The following SPRY3 variants were observed in gnomAD, a reference collection of about 807,000 sequenced individuals.
SPRY3 encodes sprouty RTK signaling antagonist 3, also known as protein sprouty homolog 3.
In SPRY3, 15 loss-of-function variants were observed where a neutral mutation model predicts 20.2. The ratio of observed to expected loss-of-function variants is 0.74; its 90% CI spans 0.50 to 1.14. SPRY3 has a LOEUF of 1.14. Among genes scored for constraint, SPRY3 ranks in the 50% most tolerant of loss-of-function variants. The pLI is 0.00. For missense variants in SPRY3, 364 were observed against 363.9 expected (o/e 1.00, Z 0.00); for synonymous variants, 143 against 136.5 (o/e 1.05, Z -0.33).
chrX:155,693,738 A>G (rs1371779270), intron 2 of SPRY3, among the ~76,000 whole-genome samples: 2 of 112,194 alleles, frequency 1.8e-5, no homozygotes, highest in Non-Finnish European at 3.8e-5. Context: ...TGCCATTTTG[A>G]GGCAGGATAT....
chrX:155,666,643 G>T, intron 2 of SPRY3, among the ~76,000 whole-genome samples: 1 of 111,519 alleles, frequency 9.0e-6, no homozygotes, highest in African/African-American at 3.3e-5. Flanking sequence ...TGCTAACAAT[G>T]GTAACAACGG....
intron 2 of SPRY3, among the ~76,000 whole-genome samples, chrX:155,716,746 T>C (rs1338650099): frequency 2.6e-5 from 4 of 151,852 alleles, no homozygotes; most frequent in Admixed American, 2.0e-4. Flanking sequence ...GCCCCTGTGA[T>C]TGCACAGCTC....
chrX:155,696,984 A>G (rs2068120947), intron 2 of SPRY3, among the ~76,000 whole-genome samples: 1 of 111,744 alleles, frequency 8.9e-6, no homozygotes, highest in Admixed American at 9.5e-5. Context: ...ACCAGGCACT[A>G]TTCTAAGTGC....
At chrX:155,728,015 C>A (rs1255270016) in intron 2 of SPRY3, among the ~76,000 whole-genome samples, 1 of 152,102 alleles carries the variant, frequency 6.6e-6, no homozygotes, top group Admixed American at 6.6e-5. Context: ...GATGTTATTT[C>A]TTTCTGTTTG....
intron 2 of SPRY3, among the ~76,000 whole-genome samples, chrX:155,766,530 A>G (rs1387049863): frequency 6.6e-6 from 1 of 152,196 alleles, no homozygotes; most frequent in Non-Finnish European, 1.5e-5. Context: ...AAGCATCCTA[A>G]GAATGCTGAT....
chrX:155,723,281 C>A (rs1347306212), intron 2 of SPRY3, among the ~76,000 whole-genome samples: 3 of 152,056 alleles, frequency 2.0e-5, no homozygotes, highest in African/African-American at 4.8e-5. Context: ...GATTTATAAT[C>A]CTTTAGGTAT....
At chrX:155,781,440 A>C (rs2091462645), downstream of SPRY3, 1 of 166,974 alleles carries the variant, frequency 6.0e-6, no homozygotes, top group Non-Finnish European at 1.5e-5. Context: ...GATTTGAGAA[A>C]ATTGAATCAC....
chrX:155,693,003 G>T (rs1010154323), intron 2 of SPRY3, among the ~76,000 whole-genome samples: 45 of 109,705 alleles, frequency 4.1e-4, no homozygotes, highest in African/African-American at 1.2e-3. Context: ...CTATTTCATT[G>T]TTTTTTCCTC....
chrX:155,713,624 C>T (rs1212466286), intron 2 of SPRY3, among the ~76,000 whole-genome samples: 1 of 152,066 alleles, frequency 6.6e-6, no homozygotes, highest in Non-Finnish European at 1.5e-5. Context: ...ATTTAGGCTC[C>T]TTTCTTTATC....
chrX:155,669,284 A>T (rs2068033248), intron 2 of SPRY3, among the ~76,000 whole-genome samples: 1 of 111,390 alleles, frequency 9.0e-6, no homozygotes, highest in Non-Finnish European at 1.9e-5. Context: ...GTTTTATATT[A>T]CTTAAGTGTA....
At chrX:155,737,767 G>A (rs1206963117) in intron 2 of SPRY3, among the ~76,000 whole-genome samples, 1 of 152,118 alleles carries the variant, frequency 6.6e-6, no homozygotes, top group African/African-American at 2.4e-5. Flanking sequence ...TTTGCTCATA[G>A]TAAGGAGTTT....
In SPRY3 at chrX:155,627,957, TTCATCCATG is replaced by T. The variant is rs1398160637; in HGVS notation, c.-441+15313_-441+15321del. ...TTTGCTGAAGATGATGACTTCCAGC[TTCATCCATG>T]TCCCTGCAAAGGACATGATCTCATT... On this transcript the variant is annotated intron_variant, in intron 1 of 3. Transcript: ENST00000675360. 9.0e-5 allele frequency among the ~76,000 whole-genome samples: 10 copies of T among 110,898 alleles called. No homozygotes were observed. The Admixed American group carries it at 9.6e-4, about 11-fold the overall frequency.
chrX:155,624,204 G>A (rs781808169), intron 1 of SPRY3, among the ~76,000 whole-genome samples: 1 of 111,884 alleles, frequency 8.9e-6, no homozygotes, highest in African/African-American at 3.2e-5. Flanking sequence ...GCCTGTTTAA[G>A]AGAGTTCCTC....
intron 2 of SPRY3, among the ~76,000 whole-genome samples, chrX:155,717,395 C>T (rs2091030439): frequency 6.6e-6 from 1 of 151,932 alleles, no homozygotes; most frequent in African/African-American, 2.4e-5. Context: ...TGTTTACTAC[C>T]TTTTTAAAAA....
In SPRY3 at chrX:155,632,219, C is replaced by CCACACA. The variant is rs55865452; in HGVS notation, c.-441+19594_-441+19599dup. On this transcript the variant is annotated intron_variant, in intron 1 of 3. Transcript: ENST00000675360. ...TCATCATATGTGATTTCCACAGCCA[C>CCACACA]CACACACACACACACACACACACAC... Among the ~76,000 whole-genome samples the CCACACA allele has an allele frequency of 2.5e-3, 246 of 98,624 alleles. 1 individual carries two copies. Among genetic ancestry groups the CCACACA allele is most frequent in the Middle Eastern group, 0.011 (2 of 187 alleles). 85.6% of individuals were successfully genotyped at this position (98,624 alleles called of 115,157 possible). A position where few individuals can be genotyped will look rare whatever the true frequency, so the allele number is the denominator to read the frequency against.
At chrX:155,774,286 C>A in exon 4 of SPRY3, 2 of 1,614,044 alleles carry the variant, frequency 1.2e-6, no homozygotes, top group East Asian at 4.5e-5. Flanking sequence ...ATCTGCAGGG[C>A]ACCCTAGTGA....
At chrX:155,695,570 C>G (rs191094140) in intron 2 of SPRY3, among the ~76,000 whole-genome samples, 182 of 110,611 alleles carry the variant, frequency 1.6e-3, no homozygotes, top group Non-Finnish European at 3.0e-3. Context: ...CATTTTCTCC[C>G]TCTGTTTCTT....
At chrX:155,737,842 G>A (rs2091179111) in intron 2 of SPRY3, among the ~76,000 whole-genome samples, 1 of 152,092 alleles carries the variant, frequency 6.6e-6, no homozygotes, top group African/African-American at 2.4e-5. Flanking sequence ...GATACAATAT[G>A]AATTGTACTT....
chrX:155,763,187 C>T (rs1215729481), intron 2 of SPRY3, among the ~76,000 whole-genome samples: 2 of 152,056 alleles, frequency 1.3e-5, no homozygotes, highest in Non-Finnish European at 2.9e-5. Context: ...ATAAAGATGG[C>T]AATTGGGTAG....
Sources: allele counts gnomAD v4.1 joint callset (sites outside exome capture counted in the v4.1 genomes callset), GRCh38; gene constraint gnomAD v4.1.1; transcripts MANE v1.5; gene names NCBI Gene and HGNC (gene_info 2026-07-23, HGNC 2026-07-21).